TRNT1: variants seen among roughly 807,000 people sequenced by gnomAD.
TRNT1 encodes tRNA nucleotidyl transferase 1.
In TRNT1, 44 loss-of-function variants were observed where a neutral mutation model predicts 45.6. The observed-to-expected ratio is 0.97, with a 90% CI of 0.76 to 1.24. TRNT1 has a LOEUF of 1.24. Ranked by LOEUF, TRNT1 falls within the 50% of genes most tolerant of loss-of-function variation. TRNT1 has a pLI of 0.00. For missense variants in TRNT1, 633 were observed against 504.4 expected (o/e 1.25, Z -2.44); for synonymous variants, 201 against 171.4 (o/e 1.17, Z -1.35).
intron 3 of TRNT1, among the ~76,000 whole-genome samples, chr3:3,138,715 T>A (rs763830518): frequency 5.3e-5 from 8 of 152,224 alleles, no homozygotes; most frequent in Non-Finnish European, 7.3e-5. Flanking sequence ...ACTTCTGTGG[T>A]CTTGTAGAAT....
At chr3:3,136,648 C>CTT in intron 2 of TRNT1, 1 of 397,414 alleles carries the variant, frequency 2.5e-6, no homozygotes, top group South Asian at 1.8e-5. Context: ...GATTTACTTT[C>CTT]TTTTTTTTTC....
At chr3:3,128,844 T>A (rs181435086) in intron 1 of TRNT1, among the ~76,000 whole-genome samples, 170 bp from the exon 2 acceptor site, 18 of 152,296 alleles carry the variant, frequency 1.2e-4, no homozygotes, top group Non-Finnish European at 2.4e-4. Flanking sequence ...CAAAACCAGG[T>A]AGATACATAG....
At chr3:3,146,346 A>G in intron 5 of TRNT1, 84 bp from the exon 6 acceptor site, 3 of 1,038,198 alleles carry the variant, frequency 2.9e-6, no homozygotes, top group Non-Finnish European at 4.3e-6. Flanking sequence ...GATGTATGGG[A>G]TAGTACCAAT....
chr3:3,140,734 A>C lies in TRNT1; in HGVS notation c.481+86A>C, dbSNP rs1222272377. On this transcript the variant is annotated intron_variant, in intron 4 of 7. Transcript: ENST00000251607. ...ACCTACATTCTGGAAATGTTCTTCA[A>C]CTTGAGAAGTTGCATTAATTTCTTC... is the stretch of plus-strand genomic sequence containing the variant. The C allele has an allele frequency of 2.7e-6, 4 of 1,490,340 alleles. No homozygotes were observed. In the East Asian group the frequency reaches 9.1e-5, roughly 34 times the overall value. 92.3% of individuals were successfully genotyped at this position (1,490,340 alleles called of 1,614,324 possible).
chr3:3,129,776 C>T (rs334769), intron 2 of TRNT1: 1,188,033 of 1,211,430 alleles, frequency 0.98, 585,356 homozygotes, highest in East Asian at 1. Context: ...TGACCTGTTA[C>T]GTGAAAAAGG....
At chr3:3,140,836 A>G in intron 4 of TRNT1, 188 bp downstream of exon 4, 1 of 557,036 alleles carries the variant, frequency 1.8e-6, no homozygotes, top group South Asian at 2.3e-5. Context: ...TAATCCCAGC[A>G]CTTTGGGAGG....
chr3:3,129,182 C>T lies in TRNT1; in HGVS notation c.142C>T (p.Leu48=). Residue 48 remains leucine, a synonymous_variant, in exon 2 of 8, where the codon CTG becomes TTG. Coordinates refer to ENST00000251607, the MANE Select transcript of TRNT1 (RefSeq NM_182916.3). ...ACTTTTCACAGAAGGACTGAAGAGTCTGACAGGTGAGAGATTAGGATACCT... is the reference window on the plus strand; with the variant it reads ...ACTTTTCACAGAAGGACTGAAGAGTTTGACAGGTGAGAGATTAGGATACCT... The part of the protein sequence containing the change: ...QSLFTEGLKS[L]TELFVKENHE... 1 of 1,614,002 alleles carries T rather than the reference C, an allele frequency of 6.2e-7. No homozygotes were observed. The highest frequency in any genetic ancestry group is 8.5e-7 in the Non-Finnish European group (1 of 1,179,924).
At chr3:3,150,934 A>C, downstream of TRNT1, 1 of 1,614,034 alleles carries the variant, frequency 6.2e-7, no homozygotes, top group South Asian at 1.1e-5. Flanking sequence ...GCAACAGAGC[A>C]GATCGCGTTA....
chr3:3,147,876 C>T (rs370330612), intron 7 of TRNT1, 30 bp from the exon 8 acceptor site: 46 of 1,588,876 alleles, frequency 2.9e-5, no homozygotes, highest in South Asian at 1.0e-4. Flanking sequence ...TCATGTGTGA[C>T]GAAACTAAAT....
intron 2 of TRNT1, among the ~76,000 whole-genome samples, chr3:3,130,941 G>A (rs1484390269): frequency 1.3e-5 from 2 of 152,004 alleles, no homozygotes. Context: ...AAATAGGCAA[G>A]CATACTGATA....
chr3:3,150,825 T>A, downstream of TRNT1: 1 of 1,563,054 alleles, frequency 6.4e-7, no homozygotes, highest in East Asian at 2.3e-5. Flanking sequence ...TCTTAGAATA[T>A]AACCAATTTG....
intron 2 of TRNT1, among the ~76,000 whole-genome samples, chr3:3,136,123 G>GGGTGTATCATGGAC (rs1213622830): frequency 6.6e-6 from 1 of 152,196 alleles, no homozygotes; most frequent in Non-Finnish European, 1.5e-5. Context: ...AACTATTGTA[G>GGGTGTATCATGGAC]GGTGTATCAT....
intron 2 of TRNT1, among the ~76,000 whole-genome samples, chr3:3,136,138 A>T (rs1705313694): frequency 6.6e-6 from 1 of 152,170 alleles, no homozygotes; most frequent in African/African-American, 2.4e-5. Context: ...TATCATGGAC[A>T]GTGTTCATGT....
At chr3:3,152,626 A>G, downstream of TRNT1, 1 of 1,613,164 alleles carries the variant, frequency 6.2e-7, no homozygotes, top group Non-Finnish European at 8.5e-7. Context: ...CGTCAAAACG[A>G]GAAGTCTAAT....
chr3:3,152,532 C>A (rs1706646064), downstream of TRNT1: 1 of 1,613,922 alleles, frequency 6.2e-7, no homozygotes, highest in South Asian at 1.1e-5. Context: ...GTAAGTGTCT[C>A]ATGCACATAT....
At chr3:3,143,956 G>A (rs1705820537) in intron 4 of TRNT1, among the ~76,000 whole-genome samples, 2 of 151,890 alleles carry the variant, frequency 1.3e-5, no homozygotes, top group Non-Finnish European at 2.9e-5. Flanking sequence ...CTATTTACGT[G>A]GCCTTTTTAT....
rs1169587563 is a variant in TRNT1 at position 3,148,277 on chromosome 3, C to G, written c.*123C>G. 1 of 1,005,140 alleles carries G rather than the reference C, an allele frequency of 9.9e-7. No individual in the cohort carries two copies. The highest frequency in any genetic ancestry group is 1.5e-6 in the Non-Finnish European group (1 of 688,112). The allele number at this position is 1,005,140 out of a possible 1,614,324, so 62.3% of individuals were successfully genotyped here. ...AGTTTAGGGGACCTCTGTAGAACAA[C>G]AAGGGTCTTATTTTGTGAATTATAT... On this transcript the variant is annotated 3_prime_UTR_variant, in exon 8 of 8. Coordinates refer to ENST00000251607, the MANE Select transcript of TRNT1 (RefSeq NM_182916.3).
chr3:3,147,779 C>A (rs1575067485), intron 7 of TRNT1, 76 bp downstream of exon 7: 1 of 1,524,618 alleles, frequency 6.6e-7, no homozygotes, highest in East Asian at 2.3e-5. Flanking sequence ...AAACTAAGAT[C>A]TACAAATCTG....
At chr3:3,146,677 A>T (rs1235429588) in intron 6 of TRNT1, 54 bp downstream of exon 6, 5 of 1,445,300 alleles carry the variant, frequency 3.5e-6, no homozygotes, top group Non-Finnish European at 4.7e-6. Flanking sequence ...ATCTGGTTTC[A>T]AATTTCATAA....
Sources: allele counts gnomAD v4.1 joint callset (sites outside exome capture counted in the v4.1 genomes callset), GRCh38; gene constraint gnomAD v4.1.1; transcripts MANE v1.5; gene names NCBI Gene and HGNC (gene_info 2026-07-23, HGNC 2026-07-21).